The following MLLT3 variants were observed in gnomAD, a reference collection of about 807,000 sequenced individuals.
MLLT3 encodes the protein MLLT3 super elongation complex subunit, also known as protein AF-9.
Under a neutral mutation model 53.2 loss-of-function variants are expected in MLLT3, and 4 were observed. The ratio of observed to expected loss-of-function variants is 0.08; its 90% CI spans 0.04 to 0.17. The LOEUF (loss-of-function observed/expected upper bound fraction) is 0.17. MLLT3 is among the 10% of genes least tolerant of loss of function. MLLT3 has a pLI of 1.00. For synonymous variants in MLLT3, 283 were observed against 230.6 expected, an observed-to-expected ratio of 1.23 and a Z score of -2.06; for missense variants, 569 against 684.0, an observed-to-expected ratio of 0.83 and a Z score of 1.87.
intron 4 of MLLT3, among the ~76,000 whole-genome samples, chr9:20,445,677 GGAACCA>G (rs1823676303): frequency 3.9e-5 from 6 of 152,086 alleles, no homozygotes; most frequent in Non-Finnish European, 8.8e-5. Flanking sequence ...TAAAAGAGAA[GGAACCA>G]TAGCCAAACA....
At chr9:20,478,832 G>A (rs889633801) in intron 2 of MLLT3, among the ~76,000 whole-genome samples, 1 of 152,170 alleles carries the variant, frequency 6.6e-6, no homozygotes, top group Non-Finnish European at 1.5e-5. Flanking sequence ...TGGAGGGAAG[G>A]AGAGAAGGAG....
At chr9:20,610,001 T>G (rs1820661319) in intron 2 of MLLT3, among the ~76,000 whole-genome samples, 1 of 152,162 alleles carries the variant, frequency 6.6e-6, no homozygotes, top group Non-Finnish European at 1.5e-5. Flanking sequence ...TATTATTTCA[T>G]TGTTATAAAA....
In MLLT3 at chr9:20,342,213, C is replaced by A. The variant is rs1243621055; in HGVS notation, c.*4230G>T. ...ATACATTTTAAAAAAGGTGCTGAAA[C>A]AGATTATATGAGTTTAAGTAAAACA... is the stretch of plus-strand genomic sequence containing the variant. On this transcript the variant is annotated 3_prime_UTR_variant, in exon 11 of 11. Transcript: ENST00000380338. The A allele has an allele frequency of 9.1e-6, 2 of 220,286 alleles. No individual in the cohort carries two copies. Among genetic ancestry groups the A allele is most frequent in the African/African-American group, 4.5e-5 (2 of 44,698 alleles). The allele number at this position is 220,286 out of a possible 1,614,324, so 13.6% of individuals were successfully genotyped here.
intron 5 of MLLT3, among the ~76,000 whole-genome samples, chr9:20,373,342 C>T (rs1451714328): frequency 6.6e-6 from 1 of 152,136 alleles, no homozygotes; most frequent in East Asian, 1.9e-4. Context: ...AATGGCTATG[C>T]AAAATCATTT....
At chr9:20,575,285 GTTTAC>G (rs1351606057) in intron 2 of MLLT3, among the ~76,000 whole-genome samples, 1 of 152,168 alleles carries the variant, frequency 6.6e-6, no homozygotes, top group Non-Finnish European at 1.5e-5. Flanking sequence ...AAGGTTTCCA[GTTTAC>G]TTTACCCAGA....
intron 4 of MLLT3, among the ~76,000 whole-genome samples, chr9:20,442,925 T>C (rs1823590936): frequency 6.6e-6 from 1 of 152,184 alleles, no homozygotes; most frequent in Admixed American, 6.6e-5. Flanking sequence ...TGAAATGTCC[T>C]ACTGAAACAG....
intron 2 of MLLT3, among the ~76,000 whole-genome samples, chr9:20,585,854 T>C (rs866001633): frequency 2.8e-4 from 42 of 152,298 alleles, no homozygotes; most frequent in Middle Eastern, 6.8e-3. Context: ...ACCTTTCTAA[T>C]ACAGTCAAGA....
intron 2 of MLLT3, among the ~76,000 whole-genome samples, chr9:20,482,028 G>C (rs183149206): frequency 6.6e-6 from 1 of 152,290 alleles, no homozygotes; most frequent in African/African-American, 2.4e-5. Flanking sequence ...TACCTGTCTA[G>C]TTATAGAGAC....
intron 5 of MLLT3, among the ~76,000 whole-genome samples, chr9:20,367,610 T>A (rs1821491817): frequency 6.6e-6 from 1 of 152,202 alleles, no homozygotes; most frequent in African/African-American, 2.4e-5. Context: ...ATTTTACATA[T>A]TTAAGGCTAA....
intron 2 of MLLT3, among the ~76,000 whole-genome samples, chr9:20,498,227 C>CAAAAAAAAAAAAAAAAAA (rs529049653): frequency 6.2e-5 from 2 of 32,516 alleles, no homozygotes; most frequent in African/African-American, 8.0e-5. Flanking sequence ...GACGCTGTCT[C>CAAAAAAAAAAAAAAAAAA]AAAAAAAAAA....
chr9:20,559,080 G>C (rs923683217), intron 2 of MLLT3, among the ~76,000 whole-genome samples: 12 of 152,258 alleles, frequency 7.9e-5, no homozygotes, highest in African/African-American at 1.2e-4. Context: ...CCTGTAGCAG[G>C]AAAATGGGGC....
intron 5 of MLLT3, among the ~76,000 whole-genome samples, chr9:20,403,616 C>A (rs540193670): frequency 3.2e-4 from 49 of 152,266 alleles, no homozygotes; most frequent in African/African-American, 9.6e-4. Context: ...CTAGCCCTGT[C>A]TGATTCTTAA....
chr9:20,545,148 G>A (rs1818753745), intron 2 of MLLT3, among the ~76,000 whole-genome samples: 1 of 136,942 alleles, frequency 7.3e-6, no homozygotes, highest in Non-Finnish European at 1.6e-5. Flanking sequence ...ATTGACAATA[G>A]CCAAGAGGTA....
rs1278410612 is a variant in MLLT3, at chr9:20,419,491, G to A, written c.421-5066C>T. ...AAAATTTTCATAAACTAAAGAGAGGGCTGAATTACAATCTCACAGAGCTCA... is the reference window on the plus strand; with the variant it reads ...AAAATTTTCATAAACTAAAGAGAGGACTGAATTACAATCTCACAGAGCTCA... On this transcript the variant is annotated intron_variant, in intron 4 of 10. Transcript: ENST00000380338. Among the ~76,000 whole-genome samples, 4 of 149,802 alleles carry A rather than the reference G, an allele frequency of 2.7e-5. No homozygotes were observed. The East Asian group carries it at 7.8e-4, about 29-fold the overall frequency.
intron 2 of MLLT3, among the ~76,000 whole-genome samples, chr9:20,479,463 G>A (rs573653934): frequency 1.3e-5 from 2 of 152,110 alleles, no homozygotes; most frequent in African/African-American, 2.4e-5. Context: ...AACAAATCCT[G>A]AAAAACTAGT....
intron 2 of MLLT3, among the ~76,000 whole-genome samples, chr9:20,560,466 G>A (rs1277471007): frequency 1.3e-5 from 2 of 152,182 alleles, no homozygotes; most frequent in Non-Finnish European, 2.9e-5. Flanking sequence ...TGAGCCATGA[G>A]TTGGGGAAAA....
At chr9:20,447,363 T>C (rs1296711532) in intron 4 of MLLT3, among the ~76,000 whole-genome samples, 3 of 152,136 alleles carry the variant, frequency 2.0e-5, no homozygotes, top group Non-Finnish European at 4.4e-5. Flanking sequence ...CATCTCAAAA[T>C]AGATGGGGTG....
intron 4 of MLLT3, among the ~76,000 whole-genome samples, chr9:20,428,002 T>A (rs1823178338): frequency 6.6e-6 from 1 of 152,100 alleles, no homozygotes; most frequent in African/African-American, 2.4e-5. Flanking sequence ...AAATAATTCA[T>A]AACTGTATGT....
intron 5 of MLLT3, among the ~76,000 whole-genome samples, chr9:20,403,408 T>C (rs1822504654): frequency 6.6e-6 from 1 of 152,164 alleles, no homozygotes; most frequent in Admixed American, 6.5e-5. Flanking sequence ...GATAAAGAGA[T>C]GGGTGGCATA....
Sources: gnomAD v4.1 joint callset for allele counts (sites outside exome capture counted in the v4.1 genomes callset) on GRCh38, gnomAD v4.1.1 for gene constraint, MANE v1.5 for transcripts, NCBI Gene and HGNC (gene_info 2026-07-23, HGNC 2026-07-21) for gene names.